The following ZNF76 variants were observed in gnomAD, a reference collection of about 807,000 sequenced individuals.
ZNF76 encodes zinc finger protein 76, also known as zinc finger protein 523.
ZNF76 carries 66 observed loss-of-function variants against 66.9 expected under a neutral mutation model. That is an observed-to-expected ratio of 0.99 (90% confidence interval 0.81 to 1.21). The LOEUF (loss-of-function observed/expected upper bound fraction) is 1.21, where lower values mean the gene tolerates loss of function less well. ZNF76 is among the 50% of genes most tolerant of loss of function. The pLI is 0.00. For synonymous variants in ZNF76, 275 were observed against 296.1 expected (o/e 0.93, Z 0.73); for missense variants, 729 against 760.3 (o/e 0.96, Z 0.48).
In ZNF76 at chr6:35,287,592, A is replaced by G; in HGVS notation, c.233-54A>G. The G allele has an allele frequency of 4.6e-6, 7 of 1,516,744 alleles. No individual in the cohort carries two copies. Among genetic ancestry groups the G allele is most frequent in the Non-Finnish European group, 6.2e-6 (7 of 1,121,202 alleles). 94.0% of individuals were successfully genotyped at this position (1,516,744 alleles called of 1,614,324 possible). ...CTCATTAACTTAAAGCTAGGGTCCC[A>G]GCTGTATCTCTTCCCCTTGTGTGGC... On this transcript the variant is annotated intron_variant, in intron 4 of 13. Coordinates refer to ENST00000373953, the MANE Select transcript of ZNF76 (RefSeq NM_003427.5). This position sits in a 1 kb window ranked among gnomAD's most constrained non-coding sequence, Gnocchi z 4.0.
intron 13 of ZNF76, 65 bp downstream of exon 13, chr6:35,294,634 A>G: frequency 8.7e-7 from 1 of 1,151,478 alleles, no homozygotes; most frequent in Non-Finnish European, 1.3e-6. Flanking sequence ...AATAAAGGGG[A>G]ATTAGATGAG....
chr6:35,263,653 A>G (rs766381811), intron 1 of ZNF76, among the ~76,000 whole-genome samples: 10 of 152,200 alleles, frequency 6.6e-5, no homozygotes, highest in Non-Finnish European at 1.3e-4. Flanking sequence ...AGATTTGTTT[A>G]CTTAGGGCAC....
chr6:35,279,532 A>G (rs1788438330), intron 1 of ZNF76: 4 of 139,878 alleles, frequency 2.9e-5, no homozygotes, highest in African/African-American at 2.8e-5. Context: ...GGTTCATGCC[A>G]TTCTCCTGCC....
rs1396253661 is a variant in ZNF76, at chr6:35,291,341, A to G, written c.689A>G (p.Glu230Gly). 1 of 1,614,010 alleles carries G rather than the reference A, an allele frequency of 6.2e-7. No individual in the cohort carries two copies. Among genetic ancestry groups the G allele is most frequent in the Non-Finnish European group, 8.5e-7 (1 of 1,179,948 alleles). The change falls in exon 8 of 14, where the codon GAG becomes GGG. Residue 230 changes from glutamate (E) to glycine (G), a missense_variant. Glu to Gly is a moderately conservative substitution (Grantham distance 98). Transcript: ENST00000373953. ...GAGAAACCATACAAGTGCCCAGAGG[A>G]GCTGTGCAGCAAGGCCTTCAAGACC... ...TGEKPYKCPE[E>G]LCSKAFKTSG...
intron 1 of ZNF76, 106 bp from the exon 2 acceptor site, chr6:35,280,950 A>C: frequency 1.7e-6 from 1 of 596,022 alleles, no homozygotes; most frequent in Non-Finnish European, 3.0e-6. Context: ...TGAAGAATTC[A>C]TCTTTTTTCT....
chr6:35,294,288 C>G, intron 12 of ZNF76, 168 bp from the exon 13 acceptor site: 1 of 607,568 alleles, frequency 1.6e-6, no homozygotes, highest in Admixed American at 3.0e-5. Flanking sequence ...TGGGAGGAAA[C>G]CCAGCCTTAC....
intron 2 of ZNF76, among the ~76,000 whole-genome samples, chr6:35,284,698 G>A (rs569200738): frequency 1.3e-5 from 2 of 150,836 alleles, no homozygotes; most frequent in East Asian, 3.9e-4. Context: ...ACCGTGCCCA[G>A]CCTTTTTATT....
rs1488522150 is a variant in ZNF76 at position 35,259,782 on chromosome 6, CT to C, written c.-155del. On this transcript the variant is annotated 5_prime_UTR_variant, in exon 1 of 14. The change abolishes the stop of an existing upstream ORF in the 5' untranslated region. Coordinates refer to ENST00000373953, the MANE Select transcript of ZNF76 (RefSeq NM_003427.5). Reference sequence around the variant, plus strand: ...GCGCAGGCGGGTTGTGGGGCCGGCGCTGGTGGCGGGGCCCGGTGCATGGCGG... The same window carrying C: ...GCGCAGGCGGGTTGTGGGGCCGGCGCGGTGGCGGGGCCCGGTGCATGGCGG... The C allele has an allele frequency of 6.6e-6, 1 of 152,534 alleles. No individual in the cohort carries two copies. Among genetic ancestry groups the C allele is most frequent in the Admixed American group, 6.5e-5 (1 of 15,294 alleles). The allele number at this position is 152,534 out of a possible 1,614,324, so 9.4% of individuals were successfully genotyped here.
intron 5 of ZNF76, among the ~76,000 whole-genome samples, chr6:35,288,949 TA>T (rs34352057): frequency 0.73 from 69,656 of 95,770 alleles, 24,309 homozygotes; most frequent in South Asian, 0.79. Context: ...AGATCCTATC[TA>T]AAAAAAAAAA....
chr6:35,275,228 C>T (rs1017356041), intron 1 of ZNF76, among the ~76,000 whole-genome samples: 1 of 152,076 alleles, frequency 6.6e-6, no homozygotes, highest in Non-Finnish European at 1.5e-5. Flanking sequence ...CAAGAGTGCT[C>T]CCTTCTGTCT....
chr6:35,273,086 G>A (rs1787352022), intron 1 of ZNF76, among the ~76,000 whole-genome samples: 1 of 151,746 alleles, frequency 6.6e-6, no homozygotes, highest in African/African-American at 2.4e-5. Flanking sequence ...AACCCAGGAA[G>A]TGGAGGTTGC....
intron 1 of ZNF76, among the ~76,000 whole-genome samples, chr6:35,269,831 T>C (rs1786740996): frequency 6.6e-6 from 1 of 152,200 alleles, no homozygotes; most frequent in African/African-American, 2.4e-5. Context: ...GGGACACACA[T>C]GTTGAAGCCA....
Position 35,286,403 on chromosome 6 carries a change from G to A in ZNF76, c.232+4G>A, listed in dbSNP as rs1789571262. ...TACATACACCGCACACCCAGAGGTA[G>A]GGTCACCATCATCACAACTCGGGGA... On this transcript the variant is annotated splice_donor_region_variant and intron_variant, in intron 4 of 13. Coordinates refer to ENST00000373953, the MANE Select transcript of ZNF76 (RefSeq NM_003427.5). The A allele has an allele frequency of 6.2e-7, 1 of 1,613,798 alleles. No homozygotes were observed. The highest frequency in any genetic ancestry group is 8.5e-7 in the Non-Finnish European group (1 of 1,179,932).
rs748775812 is a variant in ZNF76, at chr6:35,292,611, C to T, written c.989C>T (p.Ser330Leu). The change falls in exon 10 of 14, where the codon TCG becomes TTG. Residue 330 changes from serine to leucine, a missense_variant. By Grantham distance (145) the Ser-to-Leu change is moderately radical (BLOSUM62 -2). Coordinates refer to ENST00000373953, the MANE Select transcript of ZNF76 (RefSeq NM_003427.5). The surrounding 1 kb of genome is among the most constrained non-coding windows in gnomAD (Gnocchi z 4.7). ...TGCGGGAAACGCTTCACCGAGTACT[C>T]GAGCTTGTATAAGCACCACGTGGTG... ...PGCGKRFTEY[S>L]SLYKHHVVHT... The T allele has an allele frequency of 5.0e-6, 8 of 1,613,892 alleles. No individual in the cohort carries two copies. The highest frequency in any genetic ancestry group is 1.6e-4 in the Middle Eastern group (1 of 6,062).
At chr6:35,290,980 T>C (rs746144308) in intron 7 of ZNF76, 122 of 593,996 alleles carry the variant, frequency 2.1e-4, no homozygotes, top group Admixed American at 5.7e-4. Flanking sequence ...CTGTGGATTA[T>C]TGGGTGGGCC....
At chr6:35,260,581 T>A (rs1266041680) in intron 1 of ZNF76, among the ~76,000 whole-genome samples, 2 of 152,248 alleles carry the variant, frequency 1.3e-5, no homozygotes, top group Middle Eastern at 3.4e-3. Flanking sequence ...ATATAGAGAT[T>A]AATATGAAGT....
chr6:35,267,571 T>A (rs1014402089), intron 1 of ZNF76, among the ~76,000 whole-genome samples: 2 of 152,248 alleles, frequency 1.3e-5, no homozygotes, highest in African/African-American at 4.8e-5. Context: ...CTTCCTTCAT[T>A]CGCTGAAGTA....
chr6:35,287,640 C>T lies in ZNF76; in HGVS notation c.233-6C>T. 6.2e-7 allele frequency: 1 copy of T among 1,604,944 alleles called. No individual in the cohort carries two copies. Reference sequence around the variant, plus strand: ...GGCATCAGGGCTAACCGCGTGTTCCCTGCAGAAGGCTATGACCCCAGCACC... The same window carrying T: ...GGCATCAGGGCTAACCGCGTGTTCCTTGCAGAAGGCTATGACCCCAGCACC... On this transcript the variant is annotated splice_region_variant and splice_polypyrimidine_tract_variant and intron_variant, in intron 4 of 13. Coordinates refer to ENST00000373953, the MANE Select transcript of ZNF76 (RefSeq NM_003427.5). This position sits in a 1 kb window ranked among gnomAD's most constrained non-coding sequence, Gnocchi z 4.0.
At chr6:35,295,081 A>T (rs1053215532) in intron 13 of ZNF76, 63 bp from the exon 14 acceptor site, 21 of 1,354,706 alleles carry the variant, frequency 1.6e-5, no homozygotes, top group Middle Eastern at 4.8e-4. Flanking sequence ...ACATATTACT[A>T]ACACTGGAAT....
Sources: gnomAD v4.1 joint callset for allele counts (sites outside exome capture counted in the v4.1 genomes callset) on GRCh38, gnomAD v4.1.1 for gene constraint, Gnocchi (gnomAD v3.1) non-coding constraint, MANE v1.5 for transcripts, NCBI Gene and HGNC (gene_info 2026-07-23, HGNC 2026-07-21) for gene names.